Variants in TCERG1 observed in about 807,000 individuals in gnomAD.
TCERG1 encodes the protein transcription elongation regulator 1.
Under a neutral mutation model 144.7 loss-of-function variants are expected in TCERG1, and 37 were observed. That is an observed-to-expected ratio of 0.26 (90% confidence interval 0.20 to 0.34). The LOEUF (loss-of-function observed/expected upper bound fraction) is 0.34. Among genes scored for constraint, TCERG1 ranks in the 10% least tolerant of loss-of-function variants. The pLI, the probability that TCERG1 is intolerant of heterozygous loss-of-function variation, is 1.00. For missense variants in TCERG1, 1,027 were observed against 1,380.7 expected (o/e 0.74, Z 4.06); for synonymous variants, 492 against 458.2 (o/e 1.07, Z -0.94).
chr5:146,475,235 T>A (rs1191684650), intron 9 of TCERG1, among the ~76,000 whole-genome samples: 1 of 152,228 alleles, frequency 6.6e-6, no homozygotes, highest in East Asian at 1.9e-4. Flanking sequence ...TCTAATAGGA[T>A]CCTCCATTCC....
rs747796862 is a variant in TCERG1, at chr5:146,507,580, C to G, written c.2962-293C>G. 46 of 328,980 alleles carry G rather than the reference C, an allele frequency of 1.4e-4. No individual in the cohort carries two copies. Among genetic ancestry groups the G allele is most frequent in the Non-Finnish European group, 2.2e-4 (41 of 183,644 alleles). The allele number at this position is 328,980 out of a possible 1,614,324, so 20.4% of individuals were successfully genotyped here. The stretch of plus-strand genomic sequence containing the variant: ...GGTTTTGTTCCTTTTTATTTGCTCT[C>G]TTTTTGGTGATGGTTTCTTCAGAAG... On this transcript the variant is annotated intron_variant, in intron 20 of 22. Transcript: ENST00000679501. This position sits in a 1 kb window ranked among gnomAD's most constrained non-coding sequence, Gnocchi z 4.6.
chr5:146,460,835 A>G (rs1763272503), intron 4 of TCERG1, among the ~76,000 whole-genome samples: 1 of 152,202 alleles, frequency 6.6e-6, no homozygotes, highest in Non-Finnish European at 1.5e-5. Context: ...ATGAAAGTAT[A>G]ACAGTCATAC....
chr5:146,505,137 G>C (rs1767846777), intron 19 of TCERG1, among the ~76,000 whole-genome samples: 1 of 150,202 alleles, frequency 6.7e-6, no homozygotes, highest in South Asian at 2.1e-4. Context: ...TTTTAAGAAA[G>C]TTTATGAATT....
intron 18 of TCERG1, 95 bp downstream of exon 18, chr5:146,503,634 T>C: frequency 6.8e-7 from 1 of 1,467,574 alleles, no homozygotes; most frequent in East Asian, 2.3e-5. Flanking sequence ...CTATTGGGGG[T>C]TTGGATTTTT....
At position 146,507,753 on chromosome 5, in the gene TCERG1, C is replaced by A; in HGVS notation, c.2962-120C>A. ...TCCCTGTCCCTAACTAGTCCAGTTA[C>A]GCTTGGGCATTACAAGAGATCGCAG... On this transcript the variant is annotated intron_variant, in intron 20 of 22. Transcript: ENST00000679501. The surrounding 1 kb of genome is among the most constrained non-coding windows in gnomAD (Gnocchi z 4.6). The A allele has an allele frequency of 1.7e-6, 1 of 601,934 alleles. No individual in the cohort carries two copies. The highest frequency in any genetic ancestry group is 2.8e-6 in the Non-Finnish European group (1 of 357,154). The allele number at this position is 601,934 out of a possible 1,614,324, so 37.3% of individuals were successfully genotyped here.
intron 16 of TCERG1, among the ~76,000 whole-genome samples, chr5:146,497,126 C>T (rs1010084602): frequency 2.0e-5 from 3 of 151,958 alleles, no homozygotes; most frequent in African/African-American, 4.8e-5. Flanking sequence ...CCTGCCTTGG[C>T]CTCCCAAAGT....
chr5:146,485,680 TTATTTATTTATTTTATGCATC>T (rs1356381612), intron 15 of TCERG1, among the ~76,000 whole-genome samples: 2 of 152,292 alleles, frequency 1.3e-5, no homozygotes, highest in East Asian at 3.9e-4. Context: ...TGCCATTTAT[TTATTTATTTATTTTATGCATC>T]TATTTATTTA....
rs572776943 is a variant in TCERG1 at position 146,465,554 on chromosome 5, C to T, written c.1135+1761C>T. On this transcript the variant is annotated intron_variant, in intron 5 of 22. Transcript: ENST00000679501. Reference sequence around the variant, plus strand: ...TGGAGCAAGCATATCCTTGCTCCATCATTAAAAAGATTTGGACAGGTGGTG... The same window carrying T: ...TGGAGCAAGCATATCCTTGCTCCATTATTAAAAAGATTTGGACAGGTGGTG... Among the ~76,000 whole-genome samples, 77 of 152,210 alleles carry T rather than the reference C, an allele frequency of 5.1e-4. 2 individuals are homozygous for T. Among genetic ancestry groups the T allele is most frequent in the African/African-American group, 9.6e-5 (4 of 41,546 alleles).
intron 16 of TCERG1, among the ~76,000 whole-genome samples, chr5:146,493,924 C>A (rs1338006182): frequency 3.3e-5 from 5 of 152,084 alleles, no homozygotes; most frequent in South Asian, 2.1e-4. Context: ...TATAAACGTT[C>A]ATCTTATATA....
In TCERG1 at chr5:146,480,109, C is replaced by T. The variant is rs776248141; in HGVS notation, c.1886+15C>T. On this transcript the variant is annotated intron_variant, in intron 12 of 22. Coordinates refer to ENST00000679501, the MANE Select transcript of TCERG1 (RefSeq NM_001382548.1). ...AAAAAACGGAAGTAAGTAATACATA[C>T]GATTTGATTGAGGTAGATTATATCT... is the stretch of plus-strand genomic sequence containing the variant. 19 of 1,558,984 alleles carry T rather than the reference C, an allele frequency of 1.2e-5. No individual in the cohort carries two copies. The highest frequency in any genetic ancestry group is 5.9e-5 in the South Asian group (5 of 84,270).
chr5:146,449,382 C>T (rs1581349993), intron 1 of TCERG1, among the ~76,000 whole-genome samples: 1 of 152,316 alleles, frequency 6.6e-6, no homozygotes, highest in African/African-American at 2.4e-5. Context: ...GAGCTTCCAG[C>T]TTAAGTAAGA....
At chr5:146,451,474 C>T (rs1379478099) in intron 1 of TCERG1, among the ~76,000 whole-genome samples, 1 of 151,868 alleles carries the variant, frequency 6.6e-6, no homozygotes, top group African/African-American at 2.4e-5. Flanking sequence ...AGGGAAGCAC[C>T]ACCACACCCG....
Position 146,509,237 on chromosome 5 carries a change from A to T in TCERG1, c.3138A>T (p.Ile1046=). The change falls in exon 22 of 23, where the codon ATA becomes ATT. Residue 1046 remains isoleucine (I), a synonymous_variant. Coordinates refer to ENST00000679501, the MANE Select transcript of TCERG1 (RefSeq NM_001382548.1). ...FRTLLKETKF[I]TYRSKKLIQE... Reference sequence around the variant, plus strand: ...CGCTTTTGAAAGAGACCAAATTTATAACATATAGGTGTGTGCAATGAAATG... The same window carrying T: ...CGCTTTTGAAAGAGACCAAATTTATTACATATAGGTGTGTGCAATGAAATG... 1 of 1,603,424 alleles carries T rather than the reference A, an allele frequency of 6.2e-7. No homozygotes were observed. Among genetic ancestry groups the T allele is most frequent in the South Asian group, 1.1e-5 (1 of 89,792 alleles).
chr5:146,499,791 T>G (rs142005021), intron 17 of TCERG1: 263 of 152,348 alleles, frequency 1.7e-3, no homozygotes, highest in African/African-American at 6.1e-3. Context: ...AACACTTTTT[T>G]TATAACTATT....
intron 9 of TCERG1, among the ~76,000 whole-genome samples, chr5:146,477,290 T>G (rs1230287087): frequency 6.6e-6 from 1 of 152,208 alleles, no homozygotes; most frequent in Middle Eastern, 3.2e-3. Context: ...TTTTACTATC[T>G]TAACATAGGA....
chr5:146,481,839 T>A (rs1302186981), intron 13 of TCERG1: 1 of 152,138 alleles, frequency 6.6e-6, no homozygotes, highest in Non-Finnish European at 1.5e-5. Flanking sequence ...TTCACTTGAG[T>A]ACCACACAGA....
rs1191677713 is a variant in TCERG1 at position 146,511,177 on chromosome 5, A to G, written c.*535A>G. 6.6e-6 allele frequency: 1 copy of G among 152,620 alleles called. No homozygotes were observed. The highest frequency in any genetic ancestry group is 1.5e-5 in the Non-Finnish European group (1 of 68,028). The allele number at this position is 152,620 out of a possible 1,614,324, so 9.5% of individuals were successfully genotyped here. On this transcript the variant is annotated 3_prime_UTR_variant, in exon 23 of 23. Transcript: ENST00000679501. Reference sequence around the variant, plus strand: ...AAGATCAGATTAGTTTTATTTGTTCACTTACGTGCTTTGATTATCCCCTCT... The same window carrying G: ...AAGATCAGATTAGTTTTATTTGTTCGCTTACGTGCTTTGATTATCCCCTCT...
Position 146,493,037 on chromosome 5 carries a change from A to G in TCERG1, c.2281A>G (p.Arg761Gly). The G allele has an allele frequency of 1.3e-6, 2 of 1,579,486 alleles. No individual in the cohort carries two copies. Among genetic ancestry groups the G allele is most frequent in the East Asian group, 2.3e-5 (1 of 44,042 alleles). ...KMMEEAKFNPRATFSEFAAKH... is the reference protein window; with the variant it reads ...KMMEEAKFNPGATFSEFAAKH... ...GATGGAAGAAGCAAAATTTAATCCAAGGTATGTGGTTTGTTTCTCTTAAAT... is the reference window on the plus strand; with the variant it reads ...GATGGAAGAAGCAAAATTTAATCCAGGGTATGTGGTTTGTTTCTCTTAAAT... Residue 761 changes from arginine (R) to glycine (G), a missense_variant and splice_region_variant, in exon 16 of 23, where the codon AGA becomes GGA. Physicochemically the swap from Arg to Gly is moderately radical, Grantham distance 125. Coordinates refer to ENST00000679501, the MANE Select transcript of TCERG1 (RefSeq NM_001382548.1).
chr5:146,488,378 C>T (rs753167550), intron 15 of TCERG1, among the ~76,000 whole-genome samples: 12 of 152,084 alleles, frequency 7.9e-5, no homozygotes, highest in Non-Finnish European at 1.0e-4. Flanking sequence ...GGAACTCAGT[C>T]ATCCCAACAG....
Sources: allele counts gnomAD v4.1 joint callset (sites outside exome capture counted in the v4.1 genomes callset), GRCh38; gene constraint gnomAD v4.1.1; non-coding constraint Gnocchi (gnomAD v3.1); transcripts MANE v1.5; gene names NCBI Gene and HGNC (gene_info 2026-07-23, HGNC 2026-07-21).